The following TNS3 variants were observed in gnomAD, a reference collection of about 807,000 sequenced individuals.
TNS3 encodes the protein tensin 3, also known as tensin-3.
TNS3 carries 45 observed loss-of-function variants against 140.9 expected under a neutral mutation model. The ratio of observed to expected loss-of-function variants is 0.32; its 90% CI spans 0.25 to 0.41. TNS3 has a LOEUF of 0.41. TNS3 is among the 10% of genes least tolerant of loss of function. The pLI, the probability that TNS3 is intolerant of heterozygous loss-of-function variation, is 1.00. For missense variants in TNS3, 1,716 were observed against 1,906.7 expected (o/e 0.90, Z 1.86); for synonymous variants, 815 against 788.4 (o/e 1.03, Z -0.56).
At chr7:47,282,998 TGATGGCTGCTGC>T (rs1401572599) in intron 28 of TNS3, among the ~76,000 whole-genome samples, 1 of 152,114 alleles carries the variant, frequency 6.6e-6, no homozygotes, top group East Asian at 1.9e-4. Flanking sequence ...CTGTCTGCTG[TGATGGCTGCTGC>T]CATCATGCTG....
chr7:47,582,080 G>A lies in TNS3; in HGVS notation c.-294C>T, dbSNP rs1784549306. ...GGGAGCCTGAGGCGCGGTCCGGCAG[G>A]GCGATGGCCGCAACGAGGCTGGGCT... On this transcript the variant is annotated 5_prime_UTR_variant, in exon 1 of 31. Transcript: ENST00000311160. The A allele has an allele frequency of 6.6e-6, 1 of 152,006 alleles. No individual in the cohort carries two copies. Among genetic ancestry groups the A allele is most frequent in the African/African-American group, 2.4e-5 (1 of 41,428 alleles). The allele number at this position is 152,006 out of a possible 1,614,324, so 9.4% of individuals were successfully genotyped here.
chr7:47,578,140 C>T (rs1800717027), intron 1 of TNS3, among the ~76,000 whole-genome samples: 2 of 151,850 alleles, frequency 1.3e-5, no homozygotes, highest in Admixed American at 1.3e-4. Context: ...AGGTGAAACC[C>T]CATCTCTACT....
chr7:47,290,676 G>T lies in TNS3; in HGVS notation c.3928+1279C>A, dbSNP rs150394410. Among the ~76,000 whole-genome samples the T allele has an allele frequency of 5.4e-4, 83 of 152,310 alleles. No homozygotes were observed. In the East Asian group the frequency reaches 0.011, roughly 21 times the overall value. On this transcript the variant is annotated intron_variant, in intron 27 of 30. Transcript: ENST00000311160. ...AGAAAGGCCACATTCCAGAACACTG[G>T]CAACACCAAATTCTGGAGAGGATGT... is the stretch of plus-strand genomic sequence containing the variant.
At position 47,292,028 on chromosome 7, in the gene TNS3, T is replaced by A. The variant is rs1322803603; in HGVS notation, c.3855A>T (p.Pro1285=). ...GAGAACTTTCTGCTATTTCCTCCAA[T>A]GGATCTGTAGGAAGGGGCAAGAAAA... ...PCKLLIPERD[P]LEEIAESSPQ... Residue 1285 remains proline, a synonymous_variant, in exon 27 of 31, where the codon CCA becomes CCT. Coordinates refer to ENST00000311160, the MANE Select transcript of TNS3 (RefSeq NM_022748.12). 1.2e-6 allele frequency: 2 copies of A among 1,614,144 alleles called. No individual in the cohort carries two copies. Among genetic ancestry groups the A allele is most frequent in the Non-Finnish European group, 1.7e-6 (2 of 1,180,008 alleles).
intron 1 of TNS3, among the ~76,000 whole-genome samples, chr7:47,549,164 C>CT (rs1799996836): frequency 6.6e-6 from 1 of 152,068 alleles, no homozygotes; most frequent in Non-Finnish European, 1.5e-5. Flanking sequence ...CCCTCTCCAG[C>CT]TTTTAGAATC....
chr7:47,378,569 A>C (rs1207153443), intron 16 of TNS3, among the ~76,000 whole-genome samples: 1 of 152,214 alleles, frequency 6.6e-6, no homozygotes, highest in African/African-American at 2.4e-5. Flanking sequence ...GGTGACTGAC[A>C]GCAATGATGG....
intron 17 of TNS3, among the ~76,000 whole-genome samples, chr7:47,361,206 C>CAAAAAAAAAAAAAAAAACAAAAAAAAA (rs529938498): frequency 2.1e-5 from 1 of 47,154 alleles, no homozygotes; most frequent in African/African-American, 5.9e-5. Flanking sequence ...GTAACCATGC[C>CAAAAAAAAAAAAAAAAACAAAAAAAAA]AAAAAAAAAA....
intron 1 of TNS3, among the ~76,000 whole-genome samples, chr7:47,534,211 C>CTGCAT (rs1234579431): frequency 2.0e-5 from 3 of 151,868 alleles, no homozygotes; most frequent in African/African-American, 7.3e-5. Context: ...GAGTCAGAGG[C>CTGCAT]TGCAGTAGGC....
chr7:47,435,432 G>T lies in TNS3; in HGVS notation c.202-28C>A. On this transcript the variant is annotated intron_variant, in intron 7 of 30. Transcript: ENST00000311160. Reference sequence around the variant, plus strand: ...GCAACAAGAAAGGGGAGCTTCCTCGGTTTCCATTTCCTAAAACCTTCTGAG... The same window carrying T: ...GCAACAAGAAAGGGGAGCTTCCTCGTTTTCCATTTCCTAAAACCTTCTGAG... 3 of 1,610,706 alleles carry T rather than the reference G, an allele frequency of 1.9e-6. No individual in the cohort carries two copies. In the South Asian group the frequency reaches 3.3e-5, roughly 18 times the overall value.
rs564416700 is a variant in TNS3 at position 47,556,368 on chromosome 7, G to A, written c.-265+25683C>T. ...AGTCCTCATCCTGAGACACACTAAG[G>A]GCCAAGACCCCCTGAGCAGGGGTCT... On this transcript the variant is annotated intron_variant, in intron 1 of 30. Coordinates refer to ENST00000311160, the MANE Select transcript of TNS3 (RefSeq NM_022748.12). 2.0e-5 allele frequency among the ~76,000 whole-genome samples: 3 copies of A among 152,222 alleles called. No homozygotes were observed. The East Asian group carries it at 5.8e-4, about 29-fold the overall frequency.
chr7:47,368,647 G>T lies in TNS3; in HGVS notation c.1999C>A (p.Pro667Thr), dbSNP rs998516376. ...ACAACCTGGTCTCCTGGAAACCTGG[G>T]TTTGAACGCTTTGCTGGGAGAGGGC... is the stretch of plus-strand genomic sequence containing the variant. ...QQPSPSKAFK[P>T]RFPGDQVVNG... The change falls in exon 17 of 31, where the codon CCC (proline) becomes ACC (threonine). Residue 667 changes from proline (P) to threonine (T), a missense_variant. Transcript: ENST00000311160. 6.2e-7 allele frequency: 1 copy of T among 1,601,754 alleles called. No individual in the cohort carries two copies. Among genetic ancestry groups the T allele is most frequent in the South Asian group, 1.1e-5 (1 of 88,408 alleles).
In TNS3 at chr7:47,278,218, A is replaced by G. The variant is rs1276325597; in HGVS notation, c.4196T>C (p.Val1399Ala). 6.2e-7 allele frequency: 1 copy of G among 1,613,354 alleles called. No homozygotes were observed. The highest frequency in any genetic ancestry group is 1.7e-5 in the Admixed American group (1 of 59,948). ...KWIKDGPSSK[V>A]FGFVARKQGS... ...CTGCTTCCGGGCCACAAATCCAAAGACTCTGCCAAAGGAAAGTCCAGTCAG... is the reference window on the plus strand; with the variant it reads ...CTGCTTCCGGGCCACAAATCCAAAGGCTCTGCCAAAGGAAAGTCCAGTCAG... Residue 1399 changes from valine (V) to alanine (A), a missense_variant and splice_region_variant, in exon 31 of 31, where the codon GTC becomes GCC. Val to Ala is a moderately conservative substitution (Grantham distance 64, BLOSUM62 0). Around this residue, in one of 3 missense-constraint regions of TNS3, gnomAD observed 216 missense variants for 295.7 expected, o/e 0.73. Coordinates refer to ENST00000311160, the MANE Select transcript of TNS3 (RefSeq NM_022748.12).
chr7:47,303,388 G>T lies in TNS3; in HGVS notation c.3019C>A (p.Pro1007Thr). 1 of 1,613,822 alleles carries T rather than the reference G, an allele frequency of 6.2e-7. No individual in the cohort carries two copies. The stretch of plus-strand genomic sequence containing the variant: ...CTGGGAGGCGCCAGGGAGTCCGGTG[G>T]CTCTGCTAGGGACAGCTCATGGCTG... ...FHSHELSLAEPPDSLAPPSSQ... is the reference protein window; with the variant it reads ...FHSHELSLAETPDSLAPPSSQ... The change falls in exon 22 of 31, where the codon CCA (proline) becomes ACA (threonine). Residue 1007 changes from proline (P) to threonine (T), a missense_variant. Coordinates refer to ENST00000311160, the MANE Select transcript of TNS3 (RefSeq NM_022748.12).
intron 13 of TNS3, among the ~76,000 whole-genome samples, chr7:47,404,616 G>T (rs1793341466): frequency 6.6e-6 from 1 of 152,180 alleles, no homozygotes; most frequent in East Asian, 1.9e-4. Flanking sequence ...GCCGGGCGCG[G>T]TGGCTCACGC....
At chr7:47,370,381 GCA>G (rs1227617038) in intron 16 of TNS3, among the ~76,000 whole-genome samples, 6 of 152,200 alleles carry the variant, frequency 3.9e-5, no homozygotes, top group Non-Finnish European at 1.5e-5. Context: ...TTCCTGTTTG[GCA>G]CAGCAACTTT....
At chr7:47,541,142 G>T (rs934471276) in intron 1 of TNS3, among the ~76,000 whole-genome samples, 2 of 152,138 alleles carry the variant, frequency 1.3e-5, no homozygotes, top group African/African-American at 4.8e-5. Flanking sequence ...ACGGGAGATT[G>T]GTCATGCACA....
At chr7:47,563,066 G>A (rs749181231) in intron 1 of TNS3, among the ~76,000 whole-genome samples, 11 of 152,134 alleles carry the variant, frequency 7.2e-5, no homozygotes, top group East Asian at 1.9e-4. Context: ...CCCTAACAGC[G>A]AAGCTAGGCA....
At chr7:47,392,657 G>C (rs953405796) in intron 16 of TNS3, among the ~76,000 whole-genome samples, 2 of 152,162 alleles carry the variant, frequency 1.3e-5, no homozygotes, top group Admixed American at 6.5e-5. Flanking sequence ...CCTTTCACCC[G>C]CCAGGCGGCG....
intron 27 of TNS3, among the ~76,000 whole-genome samples, chr7:47,289,556 G>A (rs906785039): frequency 1.3e-5 from 2 of 152,138 alleles, no homozygotes; most frequent in African/African-American, 4.8e-5. Flanking sequence ...AAAGATGCTG[G>A]ATACAAGGTT....
Sources: allele counts gnomAD v4.1 joint callset (sites outside exome capture counted in the v4.1 genomes callset), GRCh38; gene constraint gnomAD v4.1.1; regional missense constraint gnomAD v4.1.1; transcripts MANE v1.5; gene names NCBI Gene and HGNC (gene_info 2026-07-23, HGNC 2026-07-21).